The following JAM2 variants were observed in gnomAD, a reference collection of about 807,000 sequenced individuals.
JAM2 encodes the protein junctional adhesion molecule B.
JAM2 carries 17 observed loss-of-function variants against 42.0 expected under a neutral mutation model. The ratio of observed to expected loss-of-function variants is 0.40; its 90% CI spans 0.28 to 0.61. JAM2 has a LOEUF of 0.61. JAM2 is among the 20% of genes least tolerant of loss of function. The probability of loss-of-function intolerance (pLI) is 0.37; values close to 1 mark genes in which losing one functional copy is unlikely to be tolerated. For missense variants in JAM2, 319 were observed against 358.3 expected, an observed-to-expected ratio of 0.89 and a Z score of 0.89; for synonymous variants, 118 against 128.6, an observed-to-expected ratio of 0.92 and a Z score of 0.56.
intron 6 of JAM2, among the ~76,000 whole-genome samples, chr21:25,703,759 C>CT (rs34550027): frequency 0.086 from 6,603 of 76,596 alleles, 526 homozygotes; most frequent in African/African-American, 0.26. Flanking sequence ...TTTATAAAGA[C>CT]TTTTTTTTCA....
intron 6 of JAM2, among the ~76,000 whole-genome samples, chr21:25,704,922 G>A (rs1424193587): frequency 6.6e-6 from 1 of 152,270 alleles, no homozygotes; most frequent in South Asian, 2.1e-4. Context: ...GTTAAGCTTG[G>A]AAGGTTAATA....
At chr21:25,709,306 AG>A (rs1215624084) in intron 7 of JAM2, 127 bp from the exon 8 acceptor site, 2 of 522,380 alleles carry the variant, frequency 3.8e-6, no homozygotes, top group Non-Finnish European at 6.6e-6. Context: ...TTAATTTAGA[AG>A]GTATAAACGT....
At chr21:25,696,291 G>C (rs576395248) in intron 4 of JAM2, among the ~76,000 whole-genome samples, 1 of 152,298 alleles carries the variant, frequency 6.6e-6, no homozygotes, top group East Asian at 1.9e-4. Flanking sequence ...GGCAGGCTGA[G>C]GCAGGAGAAT....
intron 1 of JAM2, among the ~76,000 whole-genome samples, chr21:25,646,404 T>C (rs1049914926): frequency 3.3e-5 from 5 of 152,224 alleles, no homozygotes; most frequent in African/African-American, 9.6e-5. Context: ...CTTTCAATGT[T>C]ATTCTCTCTC....
chr21:25,666,411 G>GCCTCCCGGGTTCAAGCTAT (rs1555862772), intron 1 of JAM2, among the ~76,000 whole-genome samples: 1 of 151,700 alleles, frequency 6.6e-6, no homozygotes, highest in Non-Finnish European at 1.5e-5. Context: ...TGCAACCTCT[G>GCCTCCCGGGTTCAAGCTAT]CCTCCCGGGT....
At chr21:25,708,512 G>T (rs2034317219) in intron 7 of JAM2, among the ~76,000 whole-genome samples, 1 of 152,214 alleles carries the variant, frequency 6.6e-6, no homozygotes, top group Admixed American at 6.5e-5. Context: ...AGGCTGCAGT[G>T]AGTTGTAATC....
At chr21:25,670,054 G>C (rs2033320623) in intron 1 of JAM2, among the ~76,000 whole-genome samples, 1 of 152,142 alleles carries the variant, frequency 6.6e-6, no homozygotes, top group Admixed American at 6.6e-5. Context: ...CATAAATCCA[G>C]TTCTCTTCAT....
chr21:25,698,632 G>T, intron 4 of JAM2, 45 bp from the exon 5 acceptor site: 1 of 1,520,034 alleles, frequency 6.6e-7, no homozygotes, highest in South Asian at 1.2e-5. Flanking sequence ...AAACAACCTT[G>T]ATTAGCTTAT....
intron 1 of JAM2, among the ~76,000 whole-genome samples, chr21:25,661,504 G>C (rs2033088520): frequency 6.6e-6 from 1 of 152,026 alleles, no homozygotes; most frequent in African/African-American, 2.4e-5. Flanking sequence ...AGACTTCATT[G>C]TGTCTTCTAG....
chr21:25,671,894 C>G (rs1371768164), intron 1 of JAM2, among the ~76,000 whole-genome samples: 4 of 152,196 alleles, frequency 2.6e-5, no homozygotes, highest in Non-Finnish European at 5.9e-5. Flanking sequence ...TTAGAGAATC[C>G]TTTTGATCTC....
chr21:25,662,735 A>G (rs926501027), intron 1 of JAM2, among the ~76,000 whole-genome samples: 2 of 152,172 alleles, frequency 1.3e-5, no homozygotes, highest in Non-Finnish European at 2.9e-5. Flanking sequence ...TTATATGTAA[A>G]TATAGCTTAT....
chr21:25,652,964 A>G (rs1416181457), intron 1 of JAM2, among the ~76,000 whole-genome samples: 1 of 152,192 alleles, frequency 6.6e-6, no homozygotes, highest in Non-Finnish European at 1.5e-5. Flanking sequence ...TCTTTTCTCT[A>G]CAATCTTCTT....
rs377122406 is a variant in JAM2 at position 25,639,927 on chromosome 21, C to T, written c.67+39C>T. Reference sequence around the variant, plus strand: ...GTTCCTCTACCCTTCCTGCCTGGACCAGCCTGCCCCCACCCTCCAGCCCCC... The same window carrying T: ...GTTCCTCTACCCTTCCTGCCTGGACTAGCCTGCCCCCACCCTCCAGCCCCC... On this transcript the variant is annotated intron_variant, in intron 1 of 9. Transcript: ENST00000480456. 2.6e-5 allele frequency: 37 copies of T among 1,431,842 alleles called. No homozygotes were observed. The African/African-American group carries it at 5.0e-4, about 19-fold the overall frequency. 88.7% of individuals were successfully genotyped at this position (1,431,842 alleles called of 1,614,324 possible). A position where few individuals can be genotyped will look rare whatever the true frequency, so the allele number is the denominator to read the frequency against.
At chr21:25,667,590 A>C (rs2033255688) in intron 1 of JAM2, among the ~76,000 whole-genome samples, 1 of 152,220 alleles carries the variant, frequency 6.6e-6, no homozygotes, top group Admixed American at 6.5e-5. Flanking sequence ...ATAGGGAAAA[A>C]CAGAGTGTAT....
intron 1 of JAM2, among the ~76,000 whole-genome samples, chr21:25,641,147 TG>T (rs1481828156): frequency 6.6e-6 from 1 of 152,112 alleles, no homozygotes; most frequent in Non-Finnish European, 1.5e-5. Context: ...TGGTATCATA[TG>T]GAACACACAG....
chr21:25,691,648 C>G (rs1462929856), intron 3 of JAM2, among the ~76,000 whole-genome samples: 1 of 152,200 alleles, frequency 6.6e-6, no homozygotes, highest in African/African-American at 2.4e-5. Context: ...GTCAATTAAA[C>G]CAGACTCCCT....
At chr21:25,648,930 C>G (rs2032691766) in intron 1 of JAM2, among the ~76,000 whole-genome samples, 1 of 152,072 alleles carries the variant, frequency 6.6e-6, no homozygotes, top group South Asian at 2.1e-4. Flanking sequence ...CAATAAAAAC[C>G]TCAAGACATA....
intron 6 of JAM2, among the ~76,000 whole-genome samples, chr21:25,704,462 TATG>T (rs1169809682): frequency 1.3e-5 from 2 of 152,230 alleles, no homozygotes; most frequent in Non-Finnish European, 2.9e-5. Context: ...CAGAAGTTTT[TATG>T]ATAAGCAGAT....
At chr21:25,694,131 T>C (rs992777210) in intron 4 of JAM2, among the ~76,000 whole-genome samples, 2 of 152,232 alleles carry the variant, frequency 1.3e-5, no homozygotes, top group African/African-American at 4.8e-5. Flanking sequence ...TCACAAAGTA[T>C]CTCTTTGTTA....
Sources: allele counts gnomAD v4.1 joint callset (sites outside exome capture counted in the v4.1 genomes callset), GRCh38; gene constraint gnomAD v4.1.1; transcripts MANE v1.5; gene names NCBI Gene and HGNC (gene_info 2026-07-23, HGNC 2026-07-21).